DST: variants seen among roughly 807,000 people sequenced by gnomAD.
The protein encoded by DST is bullous pemphigoid antigen.
A neutral mutation model predicts 875.2 loss-of-function variants in DST; 253 were observed. The ratio of observed to expected loss-of-function variants is 0.29; its 90% confidence interval spans 0.26 to 0.32. The LOEUF is 0.32. Ranked by LOEUF, DST falls within the 10% of genes least tolerant of loss-of-function variation. The pLI, the probability that DST is intolerant of heterozygous loss-of-function variation, is 1.00. For missense variants in DST, 8,287 were observed against 9,111.6 expected (o/e 0.91, Z 3.68); for synonymous variants, 3,124 against 3,197.1 (o/e 0.98, Z 0.77).
chr6:56,786,530 T>G (rs1054476415), intron 4 of DST, among the ~76,000 whole-genome samples: 4 of 152,156 alleles, frequency 2.6e-5, no homozygotes, highest in Admixed American at 6.5e-5. Context: ...CTTTTGGTTT[T>G]GTTTTGTTTT....
intron 59 of DST, among the ~76,000 whole-genome samples, chr6:56,556,235 A>C (rs1398738127): frequency 6.6e-6 from 1 of 152,214 alleles, no homozygotes; most frequent in Non-Finnish European, 1.5e-5. Context: ...ATATTAAAGA[A>C]AATGCACAGT....
chr6:56,614,997 T>C (rs1209610164), intron 36 of DST: 2 of 995,136 alleles, frequency 2.0e-6, no homozygotes, highest in Non-Finnish European at 1.2e-6. Context: ...GTGGTAAACA[T>C]TTTAATATGC....
intron 5 of DST, among the ~76,000 whole-genome samples, chr6:56,710,701 T>C (rs2099359872): frequency 6.6e-6 from 1 of 152,206 alleles, no homozygotes; most frequent in Non-Finnish European, 1.5e-5. Flanking sequence ...TTATCTTAGG[T>C]AGCTGCCTTA....
At chr6:56,544,248 T>A (rs1038762751) in intron 61 of DST, among the ~76,000 whole-genome samples, 5 of 152,244 alleles carry the variant, frequency 3.3e-5, no homozygotes, top group African/African-American at 1.2e-4. Context: ...TATGTAAGCT[T>A]AGAAAACTAC....
chr6:56,592,141 G>T (rs368270736), intron 49 of DST, 41 bp downstream of exon 49: 166 of 1,576,938 alleles, frequency 1.1e-4, no homozygotes, highest in Non-Finnish European at 1.4e-4. Context: ...AAGCCTTTCA[G>T]TAAGACTACT....
intron 9 of DST, among the ~76,000 whole-genome samples, chr6:56,696,727 G>T (rs1285247508): frequency 6.6e-6 from 1 of 152,008 alleles, no homozygotes; most frequent in African/African-American, 2.4e-5. Context: ...TTTTCTTGTG[G>T]TCTCTAGTGG....
At chr6:56,582,441 C>T (rs1215671869) in intron 49 of DST, among the ~76,000 whole-genome samples, 2 of 152,100 alleles carry the variant, frequency 1.3e-5, no homozygotes, top group African/African-American at 2.4e-5. Flanking sequence ...TTTGCCATGT[C>T]ACATGCCTGC....
intron 9 of DST, among the ~76,000 whole-genome samples, chr6:56,679,626 CT>C (rs2099147419): frequency 6.8e-6 from 1 of 146,854 alleles, no homozygotes; most frequent in Non-Finnish European, 1.5e-5. Context: ...AAAAAATTAG[CT>C]GGGTACAGTG....
chr6:56,746,271 C>A (rs1012613470), intron 4 of DST, among the ~76,000 whole-genome samples: 1 of 152,176 alleles, frequency 6.6e-6, no homozygotes, highest in East Asian at 1.9e-4. Flanking sequence ...GAGGTATGAG[C>A]CACCTCACTC....
intron 4 of DST, among the ~76,000 whole-genome samples, chr6:56,764,000 C>T (rs1016461468): frequency 2.0e-5 from 3 of 151,592 alleles, no homozygotes; most frequent in African/African-American, 7.3e-5. Flanking sequence ...AGTGATAGTC[C>T]AATAATTAAG....
intron 92 of DST, among the ~76,000 whole-genome samples, chr6:56,475,244 GA>G (rs2095121121): frequency 6.6e-6 from 1 of 152,046 alleles, no homozygotes; most frequent in African/African-American, 2.4e-5. Flanking sequence ...AAGTGATGGG[GA>G]AAAGGAGACC....
chr6:56,487,051 T>C (rs1326269310), intron 87 of DST, 53 bp downstream of exon 87: 8 of 1,561,384 alleles, frequency 5.1e-6, no homozygotes, highest in South Asian at 1.1e-5. Flanking sequence ...ACCATTACTG[T>C]GTATTTGAAA....
chr6:56,806,024 G>A (rs2099752554), intron 4 of DST, among the ~76,000 whole-genome samples: 2 of 152,148 alleles, frequency 1.3e-5, no homozygotes, highest in Admixed American at 6.6e-5. Flanking sequence ...ACCTCATTAG[G>A]ATGGGGGTAA....
intron 4 of DST, among the ~76,000 whole-genome samples, chr6:56,821,317 G>A (rs1053583644): frequency 6.6e-6 from 1 of 152,220 alleles, no homozygotes; most frequent in African/African-American, 2.4e-5. Flanking sequence ...TTCGATTCAT[G>A]TCAAATTCGT....
At chr6:56,753,843 T>C (rs553701023) in intron 4 of DST, among the ~76,000 whole-genome samples, 5 of 152,318 alleles carry the variant, frequency 3.3e-5, no homozygotes, top group Non-Finnish European at 7.4e-5. Context: ...CAACAGGACA[T>C]GTATCATGGA....
intron 3 of DST, among the ~76,000 whole-genome samples, chr6:56,897,315 G>A (rs1252153177): frequency 7.3e-6 from 1 of 136,398 alleles, no homozygotes; most frequent in Non-Finnish European, 1.6e-5. Context: ...TGGGGGGGGG[G>A]TTGTTTTTAT....
chr6:56,585,726 G>T (rs1448376493), intron 49 of DST, among the ~76,000 whole-genome samples: 1 of 150,550 alleles, frequency 6.6e-6, no homozygotes, highest in Non-Finnish European at 1.5e-5. Flanking sequence ...TCTCTTGTGG[G>T]CATTTAGTGC....
chr6:56,642,737 T>C, intron 15 of DST: 5 of 1,614,160 alleles, frequency 3.1e-6, no homozygotes, highest in Non-Finnish European at 4.2e-6. Flanking sequence ...GTGCTGGTAG[T>C]GTTACTAAAC....
chr6:56,700,650 T>C (rs2099296756), intron 8 of DST, among the ~76,000 whole-genome samples: 1 of 152,120 alleles, frequency 6.6e-6, no homozygotes, highest in South Asian at 2.1e-4. Context: ...TTCAGGTAAA[T>C]AAATCAAATG....
Sources: gnomAD v4.1 joint callset for allele counts (sites outside exome capture counted in the v4.1 genomes callset) on GRCh38, gnomAD v4.1.1 for gene constraint, MANE v1.5 for transcripts, NCBI Gene and HGNC (gene_info 2026-07-23, HGNC 2026-07-21) for gene names.